The following CACNA1A variants were observed in gnomAD, a reference collection of about 807,000 sequenced individuals.
CACNA1A encodes voltage-dependent P/Q-type calcium channel subunit alpha-1A.
In CACNA1A, 57 loss-of-function variants were observed where a neutral mutation model predicts 262.4. That is an observed-to-expected ratio of 0.22 (90% CI 0.18 to 0.27). CACNA1A has a LOEUF of 0.27. CACNA1A is among the 10% of genes least tolerant of loss of function. The pLI is 1.00. For synonymous variants in CACNA1A, 1,431 were observed against 1,419.3 expected, an observed-to-expected ratio of 1.01 and a Z score of -0.18; for missense variants, 2,526 against 3,562.8, an observed-to-expected ratio of 0.71 and a Z score of 7.41.
chr19:13,476,721 A>G (rs1978588008), intron 1 of CACNA1A, among the ~76,000 whole-genome samples: 1 of 152,138 alleles, frequency 6.6e-6, no homozygotes, highest in Admixed American at 6.5e-5. Flanking sequence ...CAATAAAAAA[A>G]TTCATTTTAT....
At chr19:13,275,778 G>A (rs2144832740) in intron 24 of CACNA1A, 72 bp downstream of exon 24, 1 of 1,028,538 alleles carries the variant, frequency 9.7e-7, no homozygotes, top group Non-Finnish European at 1.5e-6. Flanking sequence ...AACATGTCCT[G>A]TAATCCGATG....
At chr19:13,489,727 T>TC (rs1980527368) in intron 1 of CACNA1A, among the ~76,000 whole-genome samples, 1 of 152,116 alleles carries the variant, frequency 6.6e-6, no homozygotes, top group African/African-American at 2.4e-5. Context: ...CCCTTGGGTC[T>TC]CCCCAACGAA....
intron 3 of CACNA1A, among the ~76,000 whole-genome samples, chr19:13,445,109 T>C (rs961599369): frequency 1.6e-4 from 24 of 146,920 alleles, no homozygotes; most frequent in African/African-American, 5.9e-4. Flanking sequence ...CATTGCACTC[T>C]AGCCTGGGCA....
intron 6 of CACNA1A, among the ~76,000 whole-genome samples, chr19:13,350,453 A>G (rs2058886501): frequency 6.6e-6 from 1 of 152,186 alleles, no homozygotes; most frequent in Non-Finnish European, 1.5e-5. Context: ...ATTTAGATAG[A>G]AAATAATTAC....
chr19:13,343,775 G>A (rs1199959355), intron 6 of CACNA1A, among the ~76,000 whole-genome samples: 1 of 152,120 alleles, frequency 6.6e-6, no homozygotes, highest in African/African-American at 2.4e-5. Context: ...AAAAATTTTG[G>A]AAATGAATGA....
intron 3 of CACNA1A, among the ~76,000 whole-genome samples, chr19:13,426,946 T>A (rs1296566956): frequency 1.3e-5 from 2 of 152,218 alleles, no homozygotes; most frequent in African/African-American, 4.8e-5. Context: ...AAATAGAATT[T>A]GTCTAAAAAT....
intron 30 of CACNA1A, among the ~76,000 whole-genome samples, chr19:13,251,780 TA>T (rs1416380441): frequency 2.0e-5 from 3 of 152,102 alleles, no homozygotes; most frequent in Non-Finnish European, 4.4e-5. Flanking sequence ...TTATTATTAT[TA>T]TTTTTTTGAG....
intron 1 of CACNA1A, among the ~76,000 whole-genome samples, chr19:13,477,910 C>G (rs958449933): frequency 1.3e-5 from 2 of 152,164 alleles, no homozygotes; most frequent in African/African-American, 4.8e-5. Flanking sequence ...AACCATGGGC[C>G]CCCTGGGCTC....
intron 30 of CACNA1A, 126 bp from the exon 31 acceptor site, chr19:13,245,391 T>C: frequency 1.4e-6 from 1 of 731,954 alleles, no homozygotes. Context: ...GTTATGGTTG[T>C]TCGAAGGGCT....
intron 3 of CACNA1A, among the ~76,000 whole-genome samples, chr19:13,406,767 T>C (rs934820352): frequency 2.0e-5 from 3 of 151,568 alleles, no homozygotes; most frequent in African/African-American, 7.3e-5. Flanking sequence ...GCCAGAGTCA[T>C]CCTTCTAAAT....
intron 31 of CACNA1A, among the ~76,000 whole-genome samples, chr19:13,240,622 C>T (rs1224198345): frequency 6.9e-6 from 1 of 145,570 alleles, no homozygotes; most frequent in African/African-American, 2.6e-5. Context: ...TGTGTGTGTG[C>T]AGTGTGTGTG....
intron 30 of CACNA1A, among the ~76,000 whole-genome samples, chr19:13,250,466 G>A (rs987289541): frequency 1.3e-5 from 2 of 151,812 alleles, no homozygotes; most frequent in African/African-American, 4.8e-5. Context: ...GCAAGATCTC[G>A]GCTCACTGCA....
intron 1 of CACNA1A, among the ~76,000 whole-genome samples, chr19:13,481,030 G>GTC (rs892109159): frequency 1.8e-4 from 28 of 152,200 alleles, no homozygotes; most frequent in African/African-American, 6.5e-4. Context: ...CAGATAGTGA[G>GTC]TCTCTCTCTC....
intron 1 of CACNA1A, among the ~76,000 whole-genome samples, chr19:13,489,851 C>T (rs1175763631): frequency 6.6e-6 from 1 of 152,194 alleles, no homozygotes; most frequent in African/African-American, 2.4e-5. Flanking sequence ...GGGTTTCCTC[C>T]TATCTCAGTT....
At chr19:13,248,564 T>C (rs8104484) in intron 30 of CACNA1A, among the ~76,000 whole-genome samples, 1 of 150,568 alleles carries the variant, frequency 6.6e-6, no homozygotes, top group African/African-American at 2.4e-5. Flanking sequence ...AACTGCAGGC[T>C]AGGTACGGTG....
rs1367532933 is a variant in CACNA1A, at chr19:13,299,113, C to T, written c.2520G>A (p.Ala840=). ...NRNNNTNKSR[A]AEPTVDQRLG... is the part of the protein sequence containing the mutation. ...GGCGCTGGTCCACGGTGGGCTCGGCCGCCCGGCTCTTGTTGGTGTTGTTGT... is the reference window on the plus strand; with the variant it reads ...GGCGCTGGTCCACGGTGGGCTCGGCTGCCCGGCTCTTGTTGGTGTTGTTGT... Residue 840 remains alanine, a synonymous_variant, in exon 19 of 47, where the codon GCG becomes GCA. Transcript: ENST00000360228. 6 of 1,612,492 alleles carry T rather than the reference C, an allele frequency of 3.7e-6. No homozygotes were observed. Among genetic ancestry groups the T allele is most frequent in the East Asian group, 2.2e-5 (1 of 44,864 alleles).
At chr19:13,215,057 T>C (rs1031773799) in intron 38 of CACNA1A, 5 of 158,508 alleles carry the variant, frequency 3.2e-5, no homozygotes, top group African/African-American at 1.2e-4. Context: ...TTGCCCAGGC[T>C]GGAGTGCAGT....
Position 13,275,837 on chromosome 19 carries a change from C to T in CACNA1A, c.3989+13G>A, listed in dbSNP as rs373480312. 66 of 1,571,750 alleles carry T rather than the reference C, an allele frequency of 4.2e-5. No homozygotes were observed. The highest frequency in any genetic ancestry group is 4.6e-5 in the Non-Finnish European group (52 of 1,141,734). On this transcript the variant is annotated intron_variant, in intron 24 of 46. Transcript: ENST00000360228. ...GGAAAAGAGGCAAGAGGAACCCTTG[C>T]GAGGAGACTTACGTGAAGGCAAAGG...
At position 13,236,774 on chromosome 19, in the gene CACNA1A, G is replaced by A. The variant is rs1488436210; in HGVS notation, c.4951-1044C>T. 6.6e-6 allele frequency among the ~76,000 whole-genome samples: 1 copy of A among 151,932 alleles called. No homozygotes were observed. The highest frequency in any genetic ancestry group is 1.5e-5 in the Non-Finnish European group (1 of 67,966). ...CACTGCCTCTGCTCAAAAACCCCCT[G>A]TCTAGTCACTGCCTCTGCCTCCTCC... On this transcript the variant is annotated intron_variant, in intron 31 of 46. Coordinates refer to ENST00000360228, the MANE Select transcript of CACNA1A (RefSeq NM_001127222.2). The surrounding 1 kb of genome is among the most constrained non-coding windows in gnomAD (Gnocchi z 4.6).
Sources: gnomAD v4.1 joint callset for allele counts (sites outside exome capture counted in the v4.1 genomes callset) on GRCh38, gnomAD v4.1.1 for gene constraint, Gnocchi (gnomAD v3.1) non-coding constraint, MANE v1.5 for transcripts, NCBI Gene and HGNC (gene_info 2026-07-23, HGNC 2026-07-21) for gene names.